The following TIAM1 variants were observed in gnomAD, a reference collection of about 807,000 sequenced individuals.
The protein encoded by TIAM1 is TIAM Rac1 associated GEF 1.
A neutral mutation model predicts 163.5 loss-of-function variants in TIAM1; 65 were observed. That is an observed-to-expected ratio of 0.40 (90% CI 0.33 to 0.49). The LOEUF is 0.49. TIAM1 is among the 20% of genes least tolerant of loss of function. The pLI is 0.77. For synonymous variants in TIAM1, 833 were observed against 810.1 expected, an observed-to-expected ratio of 1.03 and a Z score of -0.48; for missense variants, 1,789 against 2,044.7, an observed-to-expected ratio of 0.87 and a Z score of 2.41.
chr21:31,307,915 C>A (rs1254399991), intron 2 of TIAM1, among the ~76,000 whole-genome samples: 3 of 152,026 alleles, frequency 2.0e-5, no homozygotes, highest in African/African-American at 7.2e-5. Context: ...GAGAAGAGAG[C>A]CAAGTTAATT....
chr21:31,360,246 A>C (rs1428063005), intron 2 of TIAM1, among the ~76,000 whole-genome samples: 1 of 152,060 alleles, frequency 6.6e-6, no homozygotes, highest in Non-Finnish European at 1.5e-5. Flanking sequence ...AGCAGAAATA[A>C]AGATAATTTA....
rs1188892502 is a variant in TIAM1 at position 31,185,380 on chromosome 21, C to CATAATTATATATAATTATGCTAT, written c.2662+1598_2662+1620dup. Reference sequence around the variant, plus strand: ...TTGTAATTATATAATAATTGCACATCATAATTATATATAATTATGCTATAT... The same window carrying CATAATTATATATAATTATGCTAT: ...TTGTAATTATATAATAATTGCACATCATAATTATATATAATTATGCTATATAATTATATATAATTATGCTATAT... On this transcript the variant is annotated intron_variant, in intron 14 of 27. Coordinates refer to ENST00000541036, the MANE Select transcript of TIAM1 (RefSeq NM_001353694.2). Among the ~76,000 whole-genome samples the CATAATTATATATAATTATGCTAT allele has an allele frequency of 7.8e-3, 1,124 of 143,576 alleles. 10 individuals are homozygous for CATAATTATATATAATTATGCTAT. The highest frequency in any genetic ancestry group is 0.012 in the Non-Finnish European group (802 of 66,440). The allele number at this position is 143,576 out of a possible 152,430, so 94.2% of individuals were successfully genotyped here.
At position 31,213,472 on chromosome 21, in the gene TIAM1, C is replaced by T; in HGVS notation, c.2143G>A (p.Val715Met). ...ACAGCTTCGGTTCCCTCTCCAAACA[C>T]CTGCATATACAAAAGTACCACCTTA... ...KKQGRPSINQ[V>M]FGEGTEAVKK... The change falls in exon 10 of 28, where the codon GTG becomes ATG. Residue 715 changes from valine (V) to methionine (M), a missense_variant and splice_region_variant. Coordinates refer to ENST00000541036, the MANE Select transcript of TIAM1 (RefSeq NM_001353694.2). 6.2e-7 allele frequency: 1 copy of T among 1,613,864 alleles called. No individual in the cohort carries two copies. The highest frequency in any genetic ancestry group is 2.2e-5 in the East Asian group (1 of 44,870).
intron 1 of TIAM1, among the ~76,000 whole-genome samples, chr21:31,497,711 C>T (rs2046712694): frequency 1.3e-5 from 2 of 152,046 alleles, no homozygotes; most frequent in Non-Finnish European, 2.9e-5. Context: ...AATAATAGCG[C>T]GAGCAGACAG....
chr21:31,353,040 C>T (rs895599214), intron 2 of TIAM1, among the ~76,000 whole-genome samples: 8 of 152,216 alleles, frequency 5.3e-5, no homozygotes, highest in Admixed American at 5.2e-4. Context: ...CATTGCCTCA[C>T]CTATCAAGGT....
At position 31,556,979 on chromosome 21, in the gene TIAM1, C is replaced by T. The variant is rs2048902512; in HGVS notation, c.-422+1948G>A. ...CCTAGAAAGTGTTCCCTCCTAACCT[C>T]CAGACATCTCTTTGTTCAAACCTCC... On this transcript the variant is annotated intron_variant, in intron 1 of 28. Transcript: ENST00000286827. Among the ~76,000 whole-genome samples, 6 of 152,332 alleles carry T rather than the reference C, an allele frequency of 3.9e-5. 1 individual carries two copies. In the South Asian group the frequency reaches 1.2e-3, roughly 32 times the overall value.
At chr21:31,329,323 AG>A (rs1456912262) in intron 2 of TIAM1, among the ~76,000 whole-genome samples, 1 of 152,244 alleles carries the variant, frequency 6.6e-6, no homozygotes, top group African/African-American at 2.4e-5. Flanking sequence ...CAAAAGTCAA[AG>A]ACAACCCGCA....
intron 2 of TIAM1, among the ~76,000 whole-genome samples, chr21:31,402,971 A>G (rs1233280215): frequency 6.6e-6 from 1 of 152,024 alleles, no homozygotes; most frequent in Non-Finnish European, 1.5e-5. Context: ...AAGTGACTAA[A>G]CAATGTATCT....
chr21:31,552,191 G>A (rs1414893999), intron 1 of TIAM1, among the ~76,000 whole-genome samples: 1 of 151,426 alleles, frequency 6.6e-6, no homozygotes, highest in Non-Finnish European at 1.5e-5. Context: ...CTGAGTAGCT[G>A]GGATTACAGG....
intron 25 of TIAM1, among the ~76,000 whole-genome samples, chr21:31,127,377 C>G (rs2082240790): frequency 6.6e-6 from 1 of 150,578 alleles, no homozygotes; most frequent in African/African-American, 2.4e-5. Flanking sequence ...GTAAAATCTT[C>G]TAGATGGTCT....
intron 2 of TIAM1, among the ~76,000 whole-genome samples, chr21:31,405,608 T>G (rs2077233723): frequency 6.6e-6 from 1 of 152,114 alleles, no homozygotes; most frequent in Non-Finnish European, 1.5e-5. Context: ...GAGGAGCAAG[T>G]CACATCTTTC....
At chr21:31,325,592 C>T (rs145399681) in intron 2 of TIAM1, among the ~76,000 whole-genome samples, 1,515 of 150,088 alleles carry the variant, frequency 0.01, 29 homozygotes, top group African/African-American at 0.035. Flanking sequence ...CACTTGAACC[C>T]GGGATGCAGA....
intron 2 of TIAM1, among the ~76,000 whole-genome samples, chr21:31,307,757 G>C (rs2146977155): frequency 6.6e-6 from 1 of 152,250 alleles, no homozygotes; most frequent in South Asian, 2.1e-4. Flanking sequence ...AAGGGGAGAG[G>C]GGCCATTATC....
intron 8 of TIAM1, 34 bp from the exon 9 acceptor site, chr21:31,217,733 G>C (rs922684814): frequency 4.4e-6 from 7 of 1,607,500 alleles, no homozygotes; most frequent in African/African-American, 2.7e-5. Flanking sequence ...CCACAAGGGA[G>C]ATGCATCAGG....
At chr21:31,249,169 CGATAA>C (rs2071661889) in intron 5 of TIAM1, among the ~76,000 whole-genome samples, 1 of 151,982 alleles carries the variant, frequency 6.6e-6, no homozygotes, top group Non-Finnish European at 1.5e-5. Context: ...GAGGTAATTA[CGATAA>C]TATGAGGTCA....
At chr21:31,555,949 T>C (rs2048862726) in intron 1 of TIAM1, among the ~76,000 whole-genome samples, 1 of 151,688 alleles carries the variant, frequency 6.6e-6, no homozygotes, top group East Asian at 1.9e-4. Context: ...CTTTCTGGTT[T>C]AGAGGGGGAG....
At position 31,228,482 on chromosome 21, in the gene TIAM1, G is replaced by A. The variant is rs74815130; in HGVS notation, c.1585-2532C>T. 5.5e-4 allele frequency among the ~76,000 whole-genome samples: 83 copies of A among 152,182 alleles called. 1 individual carries two copies. The East Asian group carries it at 0.011, about 21-fold the overall frequency. ...AAGAGAAATGCACTCATATGCACAC[G>A]AAAATATACACACAAGAACATGCCC... On this transcript the variant is annotated intron_variant, in intron 6 of 27. Coordinates refer to ENST00000541036, the MANE Select transcript of TIAM1 (RefSeq NM_001353694.2).
chr21:31,319,549 C>G (rs892231253), intron 2 of TIAM1, among the ~76,000 whole-genome samples: 2 of 151,956 alleles, frequency 1.3e-5, no homozygotes, highest in Non-Finnish European at 2.9e-5. Context: ...GAGGCCAAGA[C>G]GGGTGGATCA....
At chr21:31,434,059 A>T (rs1364767102) in intron 2 of TIAM1, among the ~76,000 whole-genome samples, 2 of 152,114 alleles carry the variant, frequency 1.3e-5, no homozygotes, top group Non-Finnish European at 2.9e-5. Context: ...CGGCCTCCCA[A>T]AGTGCTAGGA....
Sources: gnomAD v4.1 joint callset for allele counts (sites outside exome capture counted in the v4.1 genomes callset) on GRCh38, gnomAD v4.1.1 for gene constraint, MANE v1.5 for transcripts, NCBI Gene and HGNC (gene_info 2026-07-23, HGNC 2026-07-21) for gene names.